LARP1B: variants seen among roughly 807,000 people sequenced by gnomAD.
LARP1B encodes the protein La ribonucleoprotein 1B.
A neutral mutation model predicts 114.2 loss-of-function variants in LARP1B; 76 were observed. That is an observed-to-expected ratio of 0.67 (90% CI 0.55 to 0.81). LARP1B has a LOEUF of 0.81. Among genes scored for constraint, LARP1B ranks in the 30% least tolerant of loss-of-function variants. The probability of loss-of-function intolerance (pLI) is 0.00; values close to 1 mark genes in which losing one functional copy is unlikely to be tolerated. For missense variants in LARP1B, 1,014 were observed against 1,075.8 expected (o/e 0.94, Z 0.80); for synonymous variants, 345 against 348.0 (o/e 0.99, Z 0.10).
At chr4:128,155,880 G>T in intron 11 of LARP1B, 1 of 1,555,530 alleles carries the variant, frequency 6.4e-7, no homozygotes, top group South Asian at 1.1e-5. Context: ...TGGAGCTGGT[G>T]CTGGAAGCCC....
intron 1 of LARP1B, among the ~76,000 whole-genome samples, chr4:128,064,365 T>C (rs960447360): frequency 2.0e-5 from 3 of 151,822 alleles, no homozygotes; most frequent in South Asian, 2.1e-4. Flanking sequence ...GAGGGAGATA[T>C]GTGTTGAGTT....
chr4:128,131,401 A>G (rs1791533609), intron 11 of LARP1B, among the ~76,000 whole-genome samples: 1 of 152,224 alleles, frequency 6.6e-6, no homozygotes, highest in African/African-American at 2.4e-5. Flanking sequence ...TTTTTCTTTA[A>G]AAAAAGTTTT....
intron 16 of LARP1B, among the ~76,000 whole-genome samples, chr4:128,199,902 A>G (rs1755407203): frequency 6.6e-6 from 1 of 152,286 alleles, no homozygotes; most frequent in Non-Finnish European, 1.5e-5. Context: ...CCTGGCCAAC[A>G]TAGTGAAACT....
intron 1 of LARP1B, among the ~76,000 whole-genome samples, chr4:128,072,068 C>T (rs1290975113): frequency 4.6e-5 from 7 of 151,834 alleles, no homozygotes; most frequent in Non-Finnish European, 1.0e-4. Context: ...GGTGCGATCT[C>T]GGCTCACTGC....
At chr4:128,081,067 T>G (rs565129247) in intron 4 of LARP1B, among the ~76,000 whole-genome samples, 2 of 142,436 alleles carry the variant, frequency 1.4e-5, no homozygotes, top group Admixed American at 1.6e-4. Context: ...AGGAATGTTA[T>G]GTATATATAC....
intron 12 of LARP1B, among the ~76,000 whole-genome samples, chr4:128,172,303 C>T (rs552477333): frequency 2.0e-5 from 3 of 152,076 alleles, no homozygotes; most frequent in South Asian, 2.1e-4. Flanking sequence ...GTTTCTTGTG[C>T]TTGAACTCAC....
intron 19 of LARP1B, 83 bp from the exon 20 acceptor site, chr4:128,209,773 T>C (rs1485436554): frequency 2.5e-6 from 3 of 1,177,964 alleles, no homozygotes; most frequent in South Asian, 2.5e-5. Context: ...TAACTTACTT[T>C]TTTGGGGAAA....
At chr4:128,063,415 G>T (rs1761115919) in intron 1 of LARP1B, among the ~76,000 whole-genome samples, 1 of 89,788 alleles carries the variant, frequency 1.1e-5, no homozygotes, top group South Asian at 4.5e-4. Context: ...TCGGCAGAGT[G>T]AGACCCACTC....
intron 11 of LARP1B, among the ~76,000 whole-genome samples, chr4:128,132,237 G>GT (rs1791781457): frequency 6.6e-6 from 1 of 152,052 alleles, no homozygotes; most frequent in South Asian, 2.1e-4. Flanking sequence ...AGTACTATTT[G>GT]TTTTTGATTA....
At position 128,082,233 on chromosome 4, in the gene LARP1B, TC is replaced by T; in HGVS notation, c.289del (p.Arg97GlyfsTer41). The T allele has an allele frequency of 6.2e-7, 1 of 1,613,158 alleles. No homozygotes were observed. Among genetic ancestry groups the T allele is most frequent in the Non-Finnish European group, 8.5e-7 (1 of 1,179,770 alleles). ...VRSESQERPGSRNSSRCQPEA... is the reference protein window; with the variant it reads ...VRSESQERPGXRNSSRCQPEA... ...ATCAGAGAGTCAAGAAAGACCTGGA[TC>T]CCGGAACAGCTCAAGATGTCAACCT... On this transcript the variant is annotated frameshift_variant, in exon 5 of 20. Transcript: ENST00000326639. LOFTEE classifies it high-confidence loss of function.
At chr4:128,149,359 G>A (rs1731677687) in intron 11 of LARP1B, among the ~76,000 whole-genome samples, 1 of 152,126 alleles carries the variant, frequency 6.6e-6, no homozygotes, top group African/African-American at 2.4e-5. Context: ...TCAAAATAGT[G>A]GTTTAATAGG....
intron 11 of LARP1B, among the ~76,000 whole-genome samples, chr4:128,139,606 TATAAG>T (rs1727040816): frequency 6.7e-6 from 1 of 148,392 alleles, no homozygotes; most frequent in East Asian, 2.0e-4. Flanking sequence ...AAAAAAACAG[TATAAG>T]ATCGTGCCAT....
chr4:128,127,605 G>T (rs1234376323), intron 11 of LARP1B, among the ~76,000 whole-genome samples: 4 of 152,256 alleles, frequency 2.6e-5, no homozygotes, highest in Admixed American at 6.5e-5. Context: ...AGGCCGAGGT[G>T]GGTGTATTAC....
chr4:128,202,425 C>G (rs1363096255), intron 17 of LARP1B, among the ~76,000 whole-genome samples: 1 of 152,134 alleles, frequency 6.6e-6, no homozygotes, highest in Non-Finnish European at 1.5e-5. Flanking sequence ...CATATACATA[C>G]AAATTTAAGA....
intron 7 of LARP1B, chr4:128,092,655 TTAC>T (rs896063938): frequency 1.8e-5 from 7 of 383,336 alleles, no homozygotes; most frequent in Non-Finnish European, 2.5e-5. Flanking sequence ...CTCTACTCTG[TTAC>T]TAGAAAATTT....
chr4:128,197,777 A>G (rs1401947591), intron 15 of LARP1B, among the ~76,000 whole-genome samples: 1 of 152,052 alleles, frequency 6.6e-6, no homozygotes, highest in Non-Finnish European at 1.5e-5. Flanking sequence ...AGTCTGAGTA[A>G]CCATAGTTTG....
intron 4 of LARP1B, among the ~76,000 whole-genome samples, chr4:128,081,088 T>A (rs1235778177): frequency 9.3e-5 from 14 of 151,268 alleles, no homozygotes; most frequent in Middle Eastern, 3.4e-3. Context: ...TTTTTTTTTT[T>A]TTTTTTTGAG....
intron 9 of LARP1B, 28 bp from the exon 10 acceptor site, chr4:128,114,542 T>TA (rs1785164461): frequency 6.6e-7 from 1 of 1,525,406 alleles, no homozygotes. Flanking sequence ...ATTATCATTT[T>TA]AACTATAGAA....
At chr4:128,152,528 A>AT (rs962105597) in intron 11 of LARP1B, among the ~76,000 whole-genome samples, 1 of 149,358 alleles carries the variant, frequency 6.7e-6, no homozygotes, top group Non-Finnish European at 1.5e-5. Flanking sequence ...TTTATTTTTT[A>AT]TTTTTTTATT....
Sources: allele counts gnomAD v4.1 joint callset (sites outside exome capture counted in the v4.1 genomes callset), GRCh38; gene constraint gnomAD v4.1.1; transcripts MANE v1.5; gene names NCBI Gene and HGNC (gene_info 2026-07-23, HGNC 2026-07-21).